Variants in SPIDR observed in about 807,000 individuals in gnomAD.
The protein encoded by SPIDR is DNA repair-scaffolding protein.
Under a neutral mutation model 104.6 loss-of-function variants are expected in SPIDR, and 93 were observed. The observed-to-expected ratio is 0.89, with a 90% CI of 0.75 to 1.06. The LOEUF (loss-of-function observed/expected upper bound fraction) is 1.06. SPIDR is among the 50% of genes least tolerant of loss of function. The pLI is 0.00. For synonymous variants in SPIDR, 431 were observed against 416.9 expected (o/e 1.03, Z -0.41); for missense variants, 1,154 against 1,111.2 (o/e 1.04, Z -0.55).
chr8:47,679,067 A>G (rs2154474602), intron 11 of SPIDR, among the ~76,000 whole-genome samples: 1 of 152,194 alleles, frequency 6.6e-6, no homozygotes. Flanking sequence ...AGGGCCCAGC[A>G]CTGCCTCCCT....
At chr8:47,715,781 G>A (rs765143557) in intron 16 of SPIDR, among the ~76,000 whole-genome samples, 6 of 152,038 alleles carry the variant, frequency 3.9e-5, no homozygotes, top group Non-Finnish European at 5.9e-5. Context: ...TGGCTACTAC[G>A]AATAAAGCTG....
chr8:47,627,197 A>T (rs2066290197), intron 10 of SPIDR, among the ~76,000 whole-genome samples: 1 of 152,152 alleles, frequency 6.6e-6, no homozygotes. Context: ...ATGAGAATAC[A>T]TGGACACAGG....
chr8:47,320,906 G>C (rs1304692833), intron 5 of SPIDR, among the ~76,000 whole-genome samples: 1 of 152,100 alleles, frequency 6.6e-6, no homozygotes, highest in African/African-American at 2.4e-5. Context: ...AACCCTTCAT[G>C]CTAAAAACTC....
At chr8:47,296,453 A>T (rs1468156387) in intron 5 of SPIDR, among the ~76,000 whole-genome samples, 1 of 152,148 alleles carries the variant, frequency 6.6e-6, no homozygotes, top group Non-Finnish European at 1.5e-5. Context: ...ATGGTGTGAG[A>T]TAAGGGTCTA....
chr8:47,343,684 G>A (rs1554615449), intron 5 of SPIDR, among the ~76,000 whole-genome samples: 1 of 152,118 alleles, frequency 6.6e-6, no homozygotes. Context: ...CAGAACTGAT[G>A]GGCTAAAGTG....
chr8:47,411,280 T>C lies in SPIDR; in HGVS notation c.877+3319T>C, dbSNP rs376527656. Among the ~76,000 whole-genome samples the C allele has an allele frequency of 1.4e-3, 211 of 152,336 alleles. 1 individual carries two copies. Among genetic ancestry groups the C allele is most frequent in the South Asian group, 8.3e-3 (40 of 4,832 alleles). ...AACTAGTTTACAGTCCCACCAACAG[T>C]GTAAAAGTGTTCCTATTTCTTCACA... On this transcript the variant is annotated intron_variant, in intron 7 of 19. Coordinates refer to ENST00000297423, the MANE Select transcript of SPIDR (RefSeq NM_001080394.4).
chr8:47,322,897 G>A (rs6994218), intron 5 of SPIDR, among the ~76,000 whole-genome samples: 71,698 of 151,608 alleles, frequency 0.47, 20,610 homozygotes, highest in African/African-American at 0.82. Context: ...GTGAGAACAC[G>A]GGGGCACAAG....
At chr8:47,537,196 G>C (rs1267410384) in intron 8 of SPIDR, among the ~76,000 whole-genome samples, 2 of 152,222 alleles carry the variant, frequency 1.3e-5, no homozygotes, top group Non-Finnish European at 2.9e-5. Context: ...ATATGATCCA[G>C]CAATTGCACT....
chr8:47,713,397 A>T, intron 15 of SPIDR, 92 bp from the exon 16 acceptor site: 3 of 1,563,352 alleles, frequency 1.9e-6, no homozygotes, highest in Non-Finnish European at 2.6e-6. Context: ...CTTCACCTGC[A>T]TGACTCGAGG....
intron 5 of SPIDR, among the ~76,000 whole-genome samples, chr8:47,391,191 G>T (rs191801727): frequency 2.8e-4 from 42 of 152,218 alleles, no homozygotes; most frequent in Admixed American, 2.6e-4. Flanking sequence ...TAAAATGATG[G>T]CTTCTAGTTA....
At chr8:47,496,462 CTT>C (rs1285129836) in intron 8 of SPIDR, among the ~76,000 whole-genome samples, 2 of 152,086 alleles carry the variant, frequency 1.3e-5, no homozygotes, top group Non-Finnish European at 2.9e-5. Flanking sequence ...GATTATGTCA[CTT>C]TTTTTCTTTA....
In SPIDR at chr8:47,458,323, GTATTTTATTTTATTTTATTT is replaced by G. The variant is rs71225684; in HGVS notation, c.1097+17831_1097+17850del. On this transcript the variant is annotated intron_variant, in intron 8 of 19. Coordinates refer to ENST00000297423, the MANE Select transcript of SPIDR (RefSeq NM_001080394.4). ...CCTCTTTGGTTAAGCATATTCCTAA[GTATTTTATTTTATTTTATTT>G]TATTTTATTTTATTTTATTTTATTT... Among the ~76,000 whole-genome samples, 677 of 112,254 alleles carry G rather than the reference GTATTTTATTTTATTTTATTT, an allele frequency of 6.0e-3. 3 individuals carry two copies. Among genetic ancestry groups the G allele is most frequent in the South Asian group, 0.025 (75 of 3,024 alleles). 73.6% of individuals were successfully genotyped at this position (112,254 alleles called of 152,430 possible).
intron 8 of SPIDR, among the ~76,000 whole-genome samples, chr8:47,505,657 G>A (rs1045937751): frequency 1.1e-4 from 16 of 152,036 alleles, no homozygotes; most frequent in Non-Finnish European, 1.6e-4. Context: ...ACTCCCCAGT[G>A]CGATACCTCA....
chr8:47,655,037 C>T (rs2072473014), intron 10 of SPIDR, among the ~76,000 whole-genome samples: 1 of 152,156 alleles, frequency 6.6e-6, no homozygotes, highest in Admixed American at 6.5e-5. Flanking sequence ...TCATCCATGT[C>T]CCTACAAAGG....
At chr8:47,603,881 T>C (rs1487011975) in intron 10 of SPIDR, among the ~76,000 whole-genome samples, 1 of 152,230 alleles carries the variant, frequency 6.6e-6, no homozygotes, top group East Asian at 1.9e-4. Flanking sequence ...TTTTCCTTTT[T>C]CCATACCTTG....
intron 5 of SPIDR, among the ~76,000 whole-genome samples, chr8:47,295,441 G>A (rs1305425409): frequency 1.3e-5 from 2 of 152,114 alleles, no homozygotes; most frequent in Non-Finnish European, 1.5e-5. Context: ...CCTTTAGTCA[G>A]CATCTTCCCT....
chr8:47,520,541 A>G (rs1587058464), intron 8 of SPIDR, among the ~76,000 whole-genome samples: 1 of 152,256 alleles, frequency 6.6e-6, no homozygotes, highest in South Asian at 2.1e-4. Flanking sequence ...CACCCCTTTC[A>G]GTCTAATCTT....
chr8:47,350,216 CCCA>C (rs2053190995), intron 5 of SPIDR, among the ~76,000 whole-genome samples: 6 of 152,134 alleles, frequency 3.9e-5, no homozygotes, highest in Non-Finnish European at 7.4e-5. Context: ...TTTGCAGATT[CCCA>C]AGAAAATGCT....
At chr8:47,281,074 C>G (rs1181593030) in intron 2 of SPIDR, among the ~76,000 whole-genome samples, 1 of 152,116 alleles carries the variant, frequency 6.6e-6, no homozygotes, top group Non-Finnish European at 1.5e-5. Context: ...TTCCCAGTGC[C>G]TATAAAAGTT....
Sources: allele counts gnomAD v4.1 joint callset (sites outside exome capture counted in the v4.1 genomes callset), GRCh38; gene constraint gnomAD v4.1.1; transcripts MANE v1.5; gene names NCBI Gene and HGNC (gene_info 2026-07-23, HGNC 2026-07-21).